Variants in GPM6A observed in about 807,000 individuals in gnomAD.
GPM6A encodes neuronal membrane glycoprotein M6-a.
GPM6A carries 7 observed loss-of-function variants against 32.1 expected under a neutral mutation model. The observed-to-expected ratio is 0.22, with a 90% confidence interval of 0.12 to 0.41. The LOEUF is 0.41. Ranked by LOEUF, GPM6A falls within the 10% of genes least tolerant of loss-of-function variation. The pLI is 1.00. For synonymous variants in GPM6A, 130 were observed against 123.4 expected, an observed-to-expected ratio of 1.05 and a Z score of -0.35; for missense variants, 235 against 347.2, an observed-to-expected ratio of 0.68 and a Z score of 2.57.
intron 1 of GPM6A, among the ~76,000 whole-genome samples, chr4:175,709,133 A>G (rs1745384165): frequency 6.6e-6 from 1 of 152,198 alleles, no homozygotes. Context: ...AACATTTTAA[A>G]TAATATTTTT....
rs372844806 is a variant in GPM6A, at chr4:175,723,098, G to T, written c.38-21331C>A. Among the ~76,000 whole-genome samples the T allele has an allele frequency of 1.2e-4, 19 of 152,272 alleles. 1 individual carries two copies. The South Asian group carries it at 3.9e-3, about 32-fold the overall frequency. Reference sequence around the variant, plus strand: ...CTCCAATGGTTTGCTCTCATAATGAGATTCTAAATATGGCCTACACTTACT... The same window carrying T: ...CTCCAATGGTTTGCTCTCATAATGATATTCTAAATATGGCCTACACTTACT... On this transcript the variant is annotated intron_variant, in intron 1 of 6. Coordinates refer to ENST00000393658, the MANE Select transcript of GPM6A (RefSeq NM_201591.3).
intron 1 of GPM6A, among the ~76,000 whole-genome samples, chr4:175,783,875 T>G (rs968637147): frequency 6.6e-6 from 1 of 152,112 alleles, no homozygotes; most frequent in Non-Finnish European, 1.5e-5. Context: ...AGTATCTCTC[T>G]GAAATATCTA....
At chr4:175,891,678 A>T (rs1737654133) in intron 1 of GPM6A, 1 of 152,232 alleles carries the variant, frequency 6.6e-6, no homozygotes, top group East Asian at 1.9e-4. Context: ...GACAGTAGTT[A>T]TTCCTTGAGA....
intron 1 of GPM6A, among the ~76,000 whole-genome samples, chr4:175,747,927 A>T (rs1732173703): frequency 6.6e-6 from 1 of 152,214 alleles, no homozygotes; most frequent in South Asian, 2.1e-4. Flanking sequence ...TACTTTATCA[A>T]CTAAATTTAA....
In GPM6A at chr4:175,773,866, A is replaced by G. The variant is rs370528897; in HGVS notation, c.37+38325T>C. Among the ~76,000 whole-genome samples the G allele has an allele frequency of 2.0e-5, 3 of 152,334 alleles. No homozygotes were observed. The East Asian group carries it at 5.8e-4, about 29-fold the overall frequency. On this transcript the variant is annotated intron_variant, in intron 1 of 6. Coordinates refer to ENST00000393658, the MANE Select transcript of GPM6A (RefSeq NM_201591.3). ...AAGAACAAAGACTGTTTTTAAAAAT[A>G]GAAAGGAAAATTTTCAATACACAAA...
chr4:175,827,652 A>G (rs1735480345), intron 1 of GPM6A, among the ~76,000 whole-genome samples: 1 of 152,216 alleles, frequency 6.6e-6, no homozygotes, highest in Admixed American at 6.5e-5. Context: ...CCTTCGGGCC[A>G]TTCTCTAGGC....
At chr4:175,846,357 C>T (rs1394599271) in intron 1 of GPM6A, among the ~76,000 whole-genome samples, 1 of 152,082 alleles carries the variant, frequency 6.6e-6, no homozygotes, top group Non-Finnish European at 1.5e-5. Flanking sequence ...GATCCTAAAA[C>T]TTCAGTTTAT....
intron 1 of GPM6A, among the ~76,000 whole-genome samples, chr4:175,982,208 C>T (rs988993277): frequency 7.9e-5 from 12 of 151,900 alleles, no homozygotes; most frequent in African/African-American, 2.9e-4. Context: ...ATTTCATTTC[C>T]TTAATGTGTC....
intron 6 of GPM6A, among the ~76,000 whole-genome samples, chr4:175,636,234 A>G (rs1740577416): frequency 7.0e-6 from 1 of 142,868 alleles, no homozygotes; most frequent in South Asian, 2.2e-4. Context: ...ACATTATGGC[A>G]TTTACATAGT....
intron 1 of GPM6A, among the ~76,000 whole-genome samples, chr4:175,832,756 T>C (rs1735654397): frequency 6.6e-6 from 1 of 152,236 alleles, no homozygotes; most frequent in South Asian, 2.1e-4. Context: ...TGATCTGTTA[T>C]ATTATTGAAG....
intron 3 of GPM6A, among the ~76,000 whole-genome samples, chr4:175,666,535 G>A (rs1428915502): frequency 6.6e-6 from 1 of 152,076 alleles, no homozygotes; most frequent in African/African-American, 2.4e-5. Context: ...AGTACAGTAG[G>A]CATACGATTT....
intron 1 of GPM6A, among the ~76,000 whole-genome samples, chr4:175,963,909 A>G (rs534280732): frequency 1.3e-5 from 2 of 152,288 alleles, no homozygotes; most frequent in East Asian, 3.9e-4. Context: ...CTGTGGTAAT[A>G]TAGTATTGCC....
intron 1 of GPM6A, among the ~76,000 whole-genome samples, chr4:175,753,886 C>T (rs879425261): frequency 1.3e-5 from 2 of 152,192 alleles, no homozygotes; most frequent in Admixed American, 1.3e-4. Flanking sequence ...CCTTTAGGTG[C>T]TCCATCATCT....
intron 1 of GPM6A, among the ~76,000 whole-genome samples, chr4:175,846,901 G>A (rs1375574413): frequency 6.6e-6 from 1 of 152,114 alleles, no homozygotes; most frequent in Non-Finnish European, 1.5e-5. Flanking sequence ...ATGAAGATGA[G>A]CTGTTTAATG....
intron 1 of GPM6A, among the ~76,000 whole-genome samples, chr4:175,776,095 A>G (rs1454100835): frequency 6.6e-6 from 1 of 152,206 alleles, no homozygotes; most frequent in Non-Finnish European, 1.5e-5. Flanking sequence ...ACTTGAAACC[A>G]GATTTTTTTA....
intron 1 of GPM6A, among the ~76,000 whole-genome samples, chr4:175,789,144 T>C (rs569880253): frequency 7.9e-4 from 120 of 152,318 alleles, no homozygotes; most frequent in African/African-American, 2.6e-3. Context: ...GTTAATTTAC[T>C]TTTGCAGAAC....
At chr4:175,679,611 T>A (rs1315959939) in intron 2 of GPM6A, among the ~76,000 whole-genome samples, 1 of 152,182 alleles carries the variant, frequency 6.6e-6, no homozygotes. Flanking sequence ...GATGATTTCC[T>A]AACTCCATTA....
chr4:175,970,930 AG>A (rs751444902), intron 1 of GPM6A: 5 of 456,140 alleles, frequency 1.1e-5, no homozygotes, highest in South Asian at 7.7e-5. Flanking sequence ...TGAAGAACAC[AG>A]GGTGCGGTAC....
chr4:175,898,479 C>T (rs752865823), intron 1 of GPM6A, among the ~76,000 whole-genome samples: 50 of 151,982 alleles, frequency 3.3e-4, no homozygotes, highest in Non-Finnish European at 5.3e-4. Context: ...TGGTTGATAC[C>T]CATGTAGATT....
Sources: allele counts gnomAD v4.1 joint callset (sites outside exome capture counted in the v4.1 genomes callset), GRCh38; gene constraint gnomAD v4.1.1; transcripts MANE v1.5; gene names NCBI Gene and HGNC (gene_info 2026-07-23, HGNC 2026-07-21).